Variants in UBE2E2 observed in about 807,000 individuals in gnomAD.
The protein encoded by UBE2E2 is ubiquitin-conjugating enzyme E2 E2.
In UBE2E2, 6 loss-of-function variants were observed where a neutral mutation model predicts 24.7. That is an observed-to-expected ratio of 0.24 (90% CI 0.13 to 0.48). UBE2E2 has a LOEUF of 0.48. Ranked by LOEUF, UBE2E2 falls within the 20% of genes least tolerant of loss-of-function variation. The pLI is 0.99. For missense variants in UBE2E2, 169 were observed against 245.0 expected, an observed-to-expected ratio of 0.69 and a Z score of 2.07; for synonymous variants, 104 against 83.6, an observed-to-expected ratio of 1.24 and a Z score of -1.33.
intron 3 of UBE2E2, among the ~76,000 whole-genome samples, chr3:23,475,247 T>A (rs905490955): frequency 4.6e-5 from 7 of 152,004 alleles, no homozygotes; most frequent in Admixed American, 1.3e-4. Flanking sequence ...CATAACCTAA[T>A]CCACTCATAG....
At chr3:23,359,674 T>C (rs930581173) in intron 3 of UBE2E2, among the ~76,000 whole-genome samples, 4 of 152,130 alleles carry the variant, frequency 2.6e-5, no homozygotes, top group African/African-American at 9.6e-5. Context: ...GATATGTCCT[T>C]ATCTTTGTGT....
At chr3:23,353,883 CTACTTT>C (rs1418726670) in intron 3 of UBE2E2, among the ~76,000 whole-genome samples, 143 of 152,284 alleles carry the variant, frequency 9.4e-4, no homozygotes, top group African/African-American at 3.2e-3. Flanking sequence ...TTGGAAAACA[CTACTTT>C]AAAGTTCATA....
intron 5 of UBE2E2, among the ~76,000 whole-genome samples, chr3:23,555,739 A>G (rs913588974): frequency 3.9e-4 from 60 of 152,202 alleles, no homozygotes; most frequent in African/African-American, 1.4e-3. Flanking sequence ...TTACTGAAAC[A>G]TGGAAGGACA....
At chr3:23,330,731 G>C (rs923481955) in intron 3 of UBE2E2, among the ~76,000 whole-genome samples, 1 of 152,158 alleles carries the variant, frequency 6.6e-6, no homozygotes, top group African/African-American at 2.4e-5. Flanking sequence ...AGACTTTTCA[G>C]TTCTTTTTGT....
chr3:23,470,098 G>T (rs1481183136), intron 3 of UBE2E2, among the ~76,000 whole-genome samples: 1 of 152,184 alleles, frequency 6.6e-6, no homozygotes, highest in African/African-American at 2.4e-5. Flanking sequence ...TAGAATGCCA[G>T]GTTTACCAGC....
chr3:23,265,801 A>G (rs965670625), intron 3 of UBE2E2, among the ~76,000 whole-genome samples: 1 of 152,272 alleles, frequency 6.6e-6, no homozygotes, highest in East Asian at 1.9e-4. Flanking sequence ...GTAGGTCTCT[A>G]AGGACTTGCT....
chr3:23,379,104 T>C (rs1575594878), intron 3 of UBE2E2, among the ~76,000 whole-genome samples: 1 of 152,158 alleles, frequency 6.6e-6, no homozygotes, highest in Admixed American at 6.5e-5. Flanking sequence ...TTTGACTGTC[T>C]TGTGAGATTG....
intron 4 of UBE2E2, among the ~76,000 whole-genome samples, chr3:23,500,473 T>G (rs1699696919): frequency 6.6e-6 from 1 of 152,208 alleles, no homozygotes. Context: ...ATTTGACTGT[T>G]TTAAATATTG....
At chr3:23,531,134 C>T (rs1332360442) in intron 4 of UBE2E2, among the ~76,000 whole-genome samples, 1 of 152,098 alleles carries the variant, frequency 6.6e-6, no homozygotes, top group African/African-American at 2.4e-5. Context: ...GTTCGACAAC[C>T]ACATAAGTCT....
At position 23,591,220 on chromosome 3, in the gene UBE2E2, C is replaced by G. The variant is rs1419079000; in HGVS notation, c.*1389C>G. 1.3e-5 allele frequency: 2 copies of G among 152,164 alleles called. No homozygotes were observed. The highest frequency in any genetic ancestry group is 2.9e-5 in the Non-Finnish European group (2 of 68,032). 9.4% of individuals were successfully genotyped at this position (152,164 alleles called of 1,614,324 possible). On this transcript the variant is annotated 3_prime_UTR_variant, in exon 6 of 6. Coordinates refer to ENST00000396703, the MANE Select transcript of UBE2E2 (RefSeq NM_152653.4). ...AGTGTAACAAAGCGTAGTGGAAACTCCTACTCCTGCTGCACCATACAGTTA... is the reference window on the plus strand; with the variant it reads ...AGTGTAACAAAGCGTAGTGGAAACTGCTACTCCTGCTGCACCATACAGTTA...
chr3:23,324,787 G>T lies in UBE2E2; in HGVS notation c.227+107475G>T, dbSNP rs537838264. On this transcript the variant is annotated intron_variant, in intron 3 of 5. Transcript: ENST00000396703. ...CTTTTCACACCTCTCTTGGAGAAAA[G>T]AATTTAAAAAAAAAAAACCTAAATG... is the stretch of plus-strand genomic sequence containing the variant. Among the ~76,000 whole-genome samples, 4 of 123,848 alleles carry T rather than the reference G, an allele frequency of 3.2e-5. No individual in the cohort carries two copies. In the South Asian group the frequency reaches 7.7e-4, roughly 24 times the overall value. The allele number at this position is 123,848 out of a possible 152,430, so 81.2% of individuals were successfully genotyped here. A position where few individuals can be genotyped will look rare whatever the true frequency, so the allele number is the denominator to read the frequency against.
At chr3:23,506,555 C>T (rs1188291582) in intron 4 of UBE2E2, among the ~76,000 whole-genome samples, 1 of 152,216 alleles carries the variant, frequency 6.6e-6, no homozygotes, top group African/African-American at 2.4e-5. Context: ...TTGGCGCAAA[C>T]CACCGTCAAC....
In UBE2E2 at chr3:23,507,588, G is replaced by A. The variant is rs114404454; in HGVS notation, c.360+7848G>A. On this transcript the variant is annotated intron_variant, in intron 4 of 5. Coordinates refer to ENST00000396703, the MANE Select transcript of UBE2E2 (RefSeq NM_152653.4). ...CTGAGCTCCATGGAGGTTAAGCTGC[G>A]CACAGGCCACAAAGGAAGTAGGTAG... Among the ~76,000 whole-genome samples the A allele has an allele frequency of 7.7e-3, 1,176 of 152,282 alleles. 12 individuals are homozygous for A. Among genetic ancestry groups the A allele is most frequent in the Non-Finnish European group, 0.013 (866 of 68,028 alleles).
At chr3:23,571,280 C>CTTTTTTTTTTTTTTCTTTTTTT (rs1696219382) in intron 5 of UBE2E2, among the ~76,000 whole-genome samples, 1 of 29,866 alleles carries the variant, frequency 3.3e-5, no homozygotes, top group Non-Finnish European at 6.6e-5. Context: ...GTGCTCCTTT[C>CTTTTTTTTTTTTTTCTTTTTTT]TTTTTTTTTT....
intron 3 of UBE2E2, among the ~76,000 whole-genome samples, chr3:23,432,308 A>G (rs1029127729): frequency 4.1e-4 from 62 of 152,084 alleles, no homozygotes; most frequent in African/African-American, 1.4e-3. Context: ...CATAAGTGCA[A>G]TTATTATTTG....
intron 3 of UBE2E2, among the ~76,000 whole-genome samples, chr3:23,487,401 G>A (rs1451048754): frequency 7.2e-5 from 11 of 152,130 alleles, no homozygotes; most frequent in East Asian, 5.8e-4. Context: ...CTACCAACTC[G>A]GTAGGGTCCG....
chr3:23,342,679 A>T (rs1695429227), intron 3 of UBE2E2, among the ~76,000 whole-genome samples: 1 of 152,170 alleles, frequency 6.6e-6, no homozygotes, highest in Non-Finnish European at 1.5e-5. Context: ...TTGGTTCCTG[A>T]CACCAAGAAT....
intron 3 of UBE2E2, among the ~76,000 whole-genome samples, chr3:23,487,487 A>G (rs895384331): frequency 4.6e-5 from 7 of 151,976 alleles, no homozygotes; most frequent in Non-Finnish European, 7.4e-5. Flanking sequence ...TGCCTCCCCC[A>G]CTGTGGCCAG....
At chr3:23,249,922 C>G (rs1458883674) in intron 3 of UBE2E2, among the ~76,000 whole-genome samples, 1 of 152,210 alleles carries the variant, frequency 6.6e-6, no homozygotes, top group African/African-American at 2.4e-5. Flanking sequence ...TCCCAAAGTG[C>G]TGGGACTACA....
Sources: gnomAD v4.1 joint callset for allele counts (sites outside exome capture counted in the v4.1 genomes callset) on GRCh38, gnomAD v4.1.1 for gene constraint, MANE v1.5 for transcripts, NCBI Gene and HGNC (gene_info 2026-07-23, HGNC 2026-07-21) for gene names.